The following PIN1 variants were observed in gnomAD, a reference collection of about 807,000 sequenced individuals.
The protein encoded by PIN1 is peptidylprolyl cis/trans isomerase, NIMA-interacting 1.
PIN1 carries 8 observed loss-of-function variants against 19.9 expected under a neutral mutation model. The observed-to-expected ratio is 0.40, with a 90% CI of 0.24 to 0.72. The LOEUF (loss-of-function observed/expected upper bound fraction) is 0.72. PIN1 is among the 30% of genes least tolerant of loss of function. The pLI is 0.37. For synonymous variants in PIN1, 86 were observed against 90.8 expected, an observed-to-expected ratio of 0.95 and a Z score of 0.30; for missense variants, 185 against 226.5, an observed-to-expected ratio of 0.82 and a Z score of 1.18.
In PIN1 at chr19:9,835,364, TGCC is replaced by T; in HGVS notation, c.24_26del (p.Pro9del). On this transcript the variant is annotated inframe_deletion, in exon 1 of 4. Transcript: ENST00000247970. ...GGGAAGATGGCGGACGAGGAGAAGCTGCCGCCCGGCTGGGAGAAGCGCATGAGC... is the reference window on the plus strand; with the variant it reads ...GGGAAGATGGCGGACGAGGAGAAGCTGCCCGGCTGGGAGAAGCGCATGAGC... 1 of 1,518,506 alleles carries T rather than the reference TGCC, an allele frequency of 6.6e-7. No individual in the cohort carries two copies. The highest frequency in any genetic ancestry group is 1.2e-5 in the South Asian group (1 of 82,344). 94.1% of individuals were successfully genotyped at this position (1,518,506 alleles called of 1,614,324 possible).
chr19:9,844,445 C>A (rs1449254621), intron 2 of PIN1, among the ~76,000 whole-genome samples: 2 of 152,216 alleles, frequency 1.3e-5, no homozygotes, highest in Non-Finnish European at 2.9e-5. Context: ...ATAACATGTC[C>A]TCCTGGACCT....
chr19:9,840,311 C>T lies in PIN1; in HGVS notation c.271+1663C>T, dbSNP rs533258810. Among the ~76,000 whole-genome samples the T allele has an allele frequency of 2.0e-5, 3 of 152,174 alleles. No individual in the cohort carries two copies. The East Asian group carries it at 5.8e-4, about 29-fold the overall frequency. On this transcript the variant is annotated intron_variant, in intron 2 of 3. Coordinates refer to ENST00000247970, the MANE Select transcript of PIN1 (RefSeq NM_006221.4). Reference sequence around the variant, plus strand: ...GATAGGCAGGAGAATGGCATGAACCCGGGAGGTGGAGCTTGCAGTGAGCTG... The same window carrying T: ...GATAGGCAGGAGAATGGCATGAACCTGGGAGGTGGAGCTTGCAGTGAGCTG...
chr19:9,842,152 G>A (rs986488514), intron 2 of PIN1, among the ~76,000 whole-genome samples: 6 of 152,154 alleles, frequency 3.9e-5, no homozygotes, highest in South Asian at 2.1e-4. Context: ...AGCAAGAGGC[G>A]GTGTGACTTG....
rs182005148 is a variant in PIN1 at position 9,839,157 on chromosome 19, G to A, written c.271+509G>A. On this transcript the variant is annotated intron_variant, in intron 2 of 3. Coordinates refer to ENST00000247970, the MANE Select transcript of PIN1 (RefSeq NM_006221.4). ...TCAGGAAGGTAGTGAGTGCATGCAG[G>A]GTGCGGTGGCTCACGCCTGTAATCC... is the stretch of plus-strand genomic sequence containing the variant. Among the ~76,000 whole-genome samples the A allele has an allele frequency of 2.0e-5, 3 of 152,142 alleles. No individual in the cohort carries two copies. In the East Asian group the frequency reaches 5.8e-4, roughly 29 times the overall value.
At chr19:9,842,918 C>T (rs1250553636) in intron 2 of PIN1, among the ~76,000 whole-genome samples, 1 of 152,232 alleles carries the variant, frequency 6.6e-6, no homozygotes, top group Non-Finnish European at 1.5e-5. Flanking sequence ...TCTGGTGCTC[C>T]GCCCTTGCCC....
chr19:9,844,087 C>G (rs559346520), intron 2 of PIN1, among the ~76,000 whole-genome samples: 7 of 152,120 alleles, frequency 4.6e-5, no homozygotes, highest in Non-Finnish European at 1.0e-4. Flanking sequence ...GGATCAGGGC[C>G]CCACCCTTAT....
chr19:9,835,410 G>C lies in PIN1; in HGVS notation c.58+8G>C. On this transcript the variant is annotated splice_region_variant and intron_variant, in intron 1 of 3. Coordinates refer to ENST00000247970, the MANE Select transcript of PIN1 (RefSeq NM_006221.4). ...GCATGAGCCGCAGCTCAGGTGCCGC[G>C]GGGGTCGGGGCTGGGGCGGGACTGC... 1 of 1,504,678 alleles carries C rather than the reference G, an allele frequency of 6.6e-7. No individual in the cohort carries two copies. The highest frequency in any genetic ancestry group is 8.8e-7 in the Non-Finnish European group (1 of 1,133,102). The allele number at this position is 1,504,678 out of a possible 1,614,324, so 93.2% of individuals were successfully genotyped here.
chr19:9,836,861 C>T (rs1445013675), intron 1 of PIN1: 4 of 1,286,762 alleles, frequency 3.1e-6, no homozygotes, highest in Non-Finnish European at 4.0e-6. Flanking sequence ...GCTGCCATTC[C>T]CAGAGATGCA....
chr19:9,848,052 G>A lies in PIN1; in HGVS notation c.294G>A (p.Ser98=), dbSNP rs751852487. 40 of 1,611,628 alleles carry A rather than the reference G, an allele frequency of 2.5e-5. No homozygotes were observed. The highest frequency in any genetic ancestry group is 6.7e-5 in the East Asian group (3 of 44,876). The part of the protein sequence containing the change: ...LINGYIQKIK[S]GEEDFESLAS... ...CAGGCTACATCCAGAAGATCAAGTC[G>A]GGAGAGGAGGACTTTGAGTCTCTGG... is the stretch of plus-strand genomic sequence containing the variant. Residue 98 remains serine (S), a synonymous_variant, in exon 3 of 4, where the codon TCG becomes TCA. Coordinates refer to ENST00000247970, the MANE Select transcript of PIN1 (RefSeq NM_006221.4).
In PIN1 at chr19:9,849,098, C is replaced by T. The variant is rs768757176; in HGVS notation, c.391C>T (p.Gln131Ter). 1.2e-6 allele frequency: 2 copies of T among 1,611,838 alleles called. No homozygotes were observed. Among genetic ancestry groups the T allele is most frequent in the South Asian group, 1.1e-5 (1 of 91,040 alleles). The change falls in exon 4 of 4, where the codon CAG becomes TAG. Residue 131 changes from glutamine to a stop codon, truncating the protein, a stop_gained. Transcript: ENST00000247970. LOFTEE classifies it high-confidence loss of function. ...CCCCTCCTGGCTCCCAGGTCAGATGCAGAAGCCATTTGAAGACGCCTCGTT... is the reference window on the plus strand; with the variant it reads ...CCCCTCCTGGCTCCCAGGTCAGATGTAGAAGCCATTTGAAGACGCCTCGTT... ...DLGAFSRGQM[Q>*]KPFEDASFAL...
At position 9,838,346 on chromosome 19, in the gene PIN1, G is replaced by A; in HGVS notation, c.59-90G>A. On this transcript the variant is annotated intron_variant, in intron 1 of 3. Transcript: ENST00000247970. This position sits in a 1 kb window ranked among gnomAD's most constrained non-coding sequence, Gnocchi z 5.8. Reference sequence around the variant, plus strand: ...TGTTGAATGAAGGCGCCCCCTGCAAGCCAGGCCCTCACCCTGGCTTCTGGC... The same window carrying A: ...TGTTGAATGAAGGCGCCCCCTGCAAACCAGGCCCTCACCCTGGCTTCTGGC... 9.7e-7 allele frequency: 1 copy of A among 1,033,890 alleles called. No individual in the cohort carries two copies. Among genetic ancestry groups the A allele is most frequent in the Non-Finnish European group, 1.5e-6 (1 of 676,422 alleles). The allele number at this position is 1,033,890 out of a possible 1,614,324, so 64.0% of individuals were successfully genotyped here.
chr19:9,848,925 G>A (rs992767386), intron 3 of PIN1, among the ~76,000 whole-genome samples, 165 bp from the exon 4 acceptor site: 1 of 152,170 alleles, frequency 6.6e-6, no homozygotes, highest in African/African-American at 2.4e-5. Flanking sequence ...CCCCAGCTGG[G>A]CCGCCGCTCA....
rs556962213 is a variant in PIN1, at chr19:9,844,695, G to A, written c.272-3335G>A. On this transcript the variant is annotated intron_variant, in intron 2 of 3. Transcript: ENST00000247970. Reference sequence around the variant, plus strand: ...ATCAAATTTCACAGGTTTTGGCGCCGTCGGGCAAGGCTGACACATTGTCTT... The same window carrying A: ...ATCAAATTTCACAGGTTTTGGCGCCATCGGGCAAGGCTGACACATTGTCTT... Among the ~76,000 whole-genome samples, 18 of 152,296 alleles carry A rather than the reference G, an allele frequency of 1.2e-4. No individual in the cohort carries two copies. The East Asian group carries it at 2.1e-3, about 18-fold the overall frequency.
intron 2 of PIN1, among the ~76,000 whole-genome samples, chr19:9,843,819 G>A (rs2046192766): frequency 6.6e-6 from 1 of 152,084 alleles, no homozygotes; most frequent in Admixed American, 6.6e-5. Context: ...AGACTGAGGT[G>A]GGTGGATCAC....
chr19:9,845,995 G>C (rs899611249), intron 2 of PIN1, among the ~76,000 whole-genome samples: 3 of 152,114 alleles, frequency 2.0e-5, no homozygotes, highest in Non-Finnish European at 2.9e-5. Context: ...CAGACAGAAG[G>C]GGGGACAGGG....
chr19:9,847,738 G>GC (rs2046234608), intron 2 of PIN1, among the ~76,000 whole-genome samples: 1 of 152,176 alleles, frequency 6.6e-6, no homozygotes, highest in Admixed American at 6.5e-5. Flanking sequence ...GACAGCGGGA[G>GC]CAGGGATGTG....
In PIN1 at chr19:9,846,631, C is replaced by A. The variant is rs1220494338; in HGVS notation, c.272-1399C>A. 1.3e-5 allele frequency among the ~76,000 whole-genome samples: 2 copies of A among 152,130 alleles called. No individual in the cohort carries two copies. The highest frequency in any genetic ancestry group is 2.9e-5 in the Non-Finnish European group (2 of 68,012). On this transcript the variant is annotated intron_variant, in intron 2 of 3. Coordinates refer to ENST00000247970, the MANE Select transcript of PIN1 (RefSeq NM_006221.4). This position sits in a 1 kb window ranked among gnomAD's most constrained non-coding sequence, Gnocchi z 5.9. Reference sequence around the variant, plus strand: ...GGGCCCTGGGGACACTTGGATCAGTCCAGTGTGTTCAGCAGGTGCCACGGT... The same window carrying A: ...GGGCCCTGGGGACACTTGGATCAGTACAGTGTGTTCAGCAGGTGCCACGGT...
At chr19:9,845,053 G>C (rs763846190) in intron 2 of PIN1, among the ~76,000 whole-genome samples, 15 of 152,124 alleles carry the variant, frequency 9.9e-5, no homozygotes, top group Non-Finnish European at 1.8e-4. Context: ...GGGATTAGGG[G>C]AGGCTTCTTG....
chr19:9,845,503 G>A (rs1397591477), intron 2 of PIN1, among the ~76,000 whole-genome samples: 1 of 151,962 alleles, frequency 6.6e-6, no homozygotes, highest in African/African-American at 2.4e-5. Flanking sequence ...AAGAGAAAGC[G>A]TTTTAAAAAA....
Sources: gnomAD v4.1 joint callset for allele counts (sites outside exome capture counted in the v4.1 genomes callset) on GRCh38, gnomAD v4.1.1 for gene constraint, Gnocchi (gnomAD v3.1) non-coding constraint, MANE v1.5 for transcripts, NCBI Gene and HGNC (gene_info 2026-07-23, HGNC 2026-07-21) for gene names.